The following CLIC5 variants were observed in gnomAD, a reference collection of about 807,000 sequenced individuals.
The protein encoded by CLIC5 is CLIC family member 5.
A neutral mutation model predicts 24.7 loss-of-function variants in CLIC5; 20 were observed. The observed-to-expected ratio is 0.81, with a 90% confidence interval of 0.57 to 1.18. The LOEUF is 1.18. CLIC5 is among the 50% of genes most tolerant of loss of function. The pLI is 0.00. For missense variants in CLIC5, 341 were observed against 326.1 expected (o/e 1.05, Z -0.35); for synonymous variants, 159 against 135.6 (o/e 1.17, Z -1.20).
chr6:45,969,858 AC>A (rs1362751558), intron 1 of CLIC5, among the ~76,000 whole-genome samples: 1 of 140,644 alleles, frequency 7.1e-6, no homozygotes, highest in African/African-American at 2.7e-5. Context: ...ACAGAAAGCC[AC>A]ACTCCTACGA....
Position 46,015,574 on chromosome 6 carries a change from CG to C in CLIC5, c.-33del. ...GGCGCCCGGGGCTACCGTCCCGGGC[CG>C]GGGAGGCGCCACCTCTGCAGCACCT... is the stretch of plus-strand genomic sequence containing the variant. On this transcript the variant is annotated 5_prime_UTR_variant, in exon 1 of 6. Coordinates refer to ENST00000339561, the MANE Select transcript of CLIC5 (RefSeq NM_016929.5). 1 of 1,541,436 alleles carries C rather than the reference CG, an allele frequency of 6.5e-7. No individual in the cohort carries two copies. The highest frequency in any genetic ancestry group is 8.7e-7 in the Non-Finnish European group (1 of 1,144,188).
chr6:45,933,649 C>G (rs371119443), intron 4 of CLIC5, among the ~76,000 whole-genome samples: 1 of 152,152 alleles, frequency 6.6e-6, no homozygotes, highest in Non-Finnish European at 1.5e-5. Context: ...TGCAGCCTTG[C>G]GAGTGAAAGG....
At chr6:45,914,088 G>T in intron 5 of CLIC5, 140 bp downstream of exon 5, 1 of 583,252 alleles carries the variant, frequency 1.7e-6, no homozygotes, top group Non-Finnish European at 2.6e-6. Flanking sequence ...AGCAGAGGGT[G>T]ACCTTGGGTC....
chr6:46,046,659 T>C (rs557287877), intron 1 of CLIC5, among the ~76,000 whole-genome samples: 10 of 152,332 alleles, frequency 6.6e-5, no homozygotes, highest in African/African-American at 1.2e-4. Flanking sequence ...TGTCCATTTC[T>C]GTTTAGAGTA....
chr6:46,015,673 A>T lies in CLIC5; in HGVS notation c.-131T>A, dbSNP rs116783003. On this transcript the variant is annotated 5_prime_UTR_variant, in exon 1 of 6. Transcript: ENST00000339561. ...AGGGCGGTGTTTAATTTTTCACAAA[A>T]CCATCTATTCTCCAGCCCGAGCAGC... The T allele has an allele frequency of 5.2e-3, 6,732 of 1,303,842 alleles. 17 individuals are homozygous for T. The highest frequency in any genetic ancestry group is 5.8e-3 in the Non-Finnish European group (5,915 of 1,019,202). The allele number at this position is 1,303,842 out of a possible 1,614,324, so 80.8% of individuals were successfully genotyped here.
intron 5 of CLIC5, among the ~76,000 whole-genome samples, chr6:45,911,447 C>A (rs1762815080): frequency 6.6e-6 from 1 of 152,162 alleles, no homozygotes; most frequent in Non-Finnish European, 1.5e-5. Context: ...TTGGGTTGGG[C>A]CAAGTTCCTT....
the CLIC5 span, among the ~76,000 whole-genome samples, chr6:46,122,620 CA>C: frequency 6.6e-6 from 1 of 151,996 alleles, no homozygotes; most frequent in Non-Finnish European, 1.5e-5. Flanking sequence ...AAAAACCCTT[CA>C]AAAAATCAAT....
chr6:45,979,211 C>CA (rs1765487411), intron 1 of CLIC5, among the ~76,000 whole-genome samples: 1 of 152,158 alleles, frequency 6.6e-6, no homozygotes, highest in South Asian at 2.1e-4. Flanking sequence ...CTCACAGTGC[C>CA]ATGAAGACCC....
chr6:45,890,648 T>C (rs1762340290), intron 6 of CLIC5, among the ~76,000 whole-genome samples: 1 of 152,158 alleles, frequency 6.6e-6, no homozygotes, highest in Non-Finnish European at 1.5e-5. Context: ...AGCCAAGATA[T>C]GGAAACAACC....
chr6:45,944,631 T>C (rs1423771897), intron 3 of CLIC5, among the ~76,000 whole-genome samples: 2 of 150,168 alleles, frequency 1.3e-5, no homozygotes, highest in Non-Finnish European at 2.9e-5. Flanking sequence ...AGATGGTAAG[T>C]GCCCTATCTG....
intron 6 of CLIC5, among the ~76,000 whole-genome samples, chr6:45,891,020 G>A (rs1285512494): frequency 1.3e-5 from 2 of 152,058 alleles, no homozygotes; most frequent in Admixed American, 6.6e-5. Context: ...ACAGCACAAC[G>A]ATTATAGTTA....
chr6:46,035,237 T>C (rs1767627639), intron 1 of CLIC5, among the ~76,000 whole-genome samples: 3 of 152,216 alleles, frequency 2.0e-5, no homozygotes, highest in African/African-American at 7.2e-5. Flanking sequence ...CACTGTTTTA[T>C]ATTGTCTTTC....
intron 5 of CLIC5, 24 bp downstream of exon 5, chr6:45,914,204 C>T (rs1762926407): frequency 6.6e-7 from 1 of 1,514,486 alleles, no homozygotes; most frequent in Non-Finnish European, 8.9e-7. Flanking sequence ...ATCTTGCAGG[C>T]CCCTGTGGGT....
intron 1 of CLIC5, among the ~76,000 whole-genome samples, chr6:45,958,100 C>A (rs1764706130): frequency 6.6e-6 from 1 of 151,928 alleles, no homozygotes; most frequent in South Asian, 2.1e-4. Flanking sequence ...AAGATGAGGT[C>A]ATATTGGATT....
chr6:45,973,937 A>AT (rs1765289536), intron 1 of CLIC5, among the ~76,000 whole-genome samples: 9 of 152,054 alleles, frequency 5.9e-5, no homozygotes, highest in Admixed American at 5.2e-4. Flanking sequence ...TCAAAAAAAA[A>AT]AAAAGCAGAA....
chr6:46,074,574 C>T (rs1762715939), intron 1 of CLIC5, among the ~76,000 whole-genome samples: 1 of 152,174 alleles, frequency 6.6e-6, no homozygotes, highest in African/African-American at 2.4e-5. Flanking sequence ...TGTGCATCCC[C>T]GCATGAGGGC....
the CLIC5 span, among the ~76,000 whole-genome samples, chr6:46,123,950 A>G: frequency 6.6e-6 from 1 of 152,256 alleles, no homozygotes; most frequent in Admixed American, 6.5e-5. Context: ...AACAAATGGA[A>G]GAACATTCCA....
At chr6:45,957,089 AGAG>A (rs1561963326) in intron 1 of CLIC5, among the ~76,000 whole-genome samples, 6 of 152,212 alleles carry the variant, frequency 3.9e-5, no homozygotes, top group African/African-American at 1.4e-4. Flanking sequence ...GGAAGTAACA[AGAG>A]GAGAACTGAA....
In CLIC5 at chr6:45,914,310, T is replaced by A; in HGVS notation, c.506A>T (p.Lys169Met). The stretch of plus-strand genomic sequence containing the variant: ...ATCCAGGAACTTGCGCCGGGACCCC[T>A]TGTCTTCCCCACAAGTGTTGGCGTC... ...EIDANTCGED[K>M]GSRRKFLDGD... The change falls in exon 5 of 6, where the codon AAG becomes ATG. Residue 169 changes from lysine to methionine, a missense_variant. Transcript: ENST00000339561. 6.2e-7 allele frequency: 1 copy of A among 1,607,094 alleles called. No individual in the cohort carries two copies. The highest frequency in any genetic ancestry group is 8.5e-7 in the Non-Finnish European group (1 of 1,175,370).
Sources: gnomAD v4.1 joint callset for allele counts (sites outside exome capture counted in the v4.1 genomes callset) on GRCh38, gnomAD v4.1.1 for gene constraint, MANE v1.5 for transcripts, NCBI Gene and HGNC (gene_info 2026-07-23, HGNC 2026-07-21) for gene names.